CACNA1S: variants seen among roughly 807,000 people sequenced by gnomAD.
CACNA1S encodes voltage-dependent L-type calcium channel subunit alpha-1S.
CACNA1S carries 126 observed loss-of-function variants against 207.4 expected under a neutral mutation model. The observed-to-expected ratio is 0.61, with a 90% CI of 0.53 to 0.70. The LOEUF (loss-of-function observed/expected upper bound fraction) is 0.70. Among genes scored for constraint, CACNA1S ranks in the 30% least tolerant of loss-of-function variants. The pLI is 0.00. For missense variants in CACNA1S, 2,349 were observed against 2,422.8 expected, an observed-to-expected ratio of 0.97 and a Z score of 0.64; for synonymous variants, 960 against 932.7, an observed-to-expected ratio of 1.03 and a Z score of -0.53.
chr1:201,071,502 T>G (rs376826434), intron 16 of CACNA1S, among the ~76,000 whole-genome samples: 27 of 152,356 alleles, frequency 1.8e-4, no homozygotes, highest in Middle Eastern at 6.8e-3. Flanking sequence ...CCCAGTTTGT[T>G]AATTTCATTG....
chr1:201,107,329 G>T (rs998491827), intron 2 of CACNA1S, among the ~76,000 whole-genome samples: 2 of 152,212 alleles, frequency 1.3e-5, no homozygotes, highest in Non-Finnish European at 2.9e-5. Context: ...CATACTTGGG[G>T]AAGCCTTCCT....
Position 201,073,656 on chromosome 1 carries a change from C to T in CACNA1S, c.2064-14G>A. ...TCTGGGAGACCCCTGAGTTAGAAAA[C>T]CCAAAGTGGAAGCCAAACCAGAAAG... On this transcript the variant is annotated splice_polypyrimidine_tract_variant and intron_variant, in intron 14 of 43. Transcript: ENST00000362061. 8 of 1,607,628 alleles carry T rather than the reference C, an allele frequency of 5.0e-6. No homozygotes were observed. The highest frequency in any genetic ancestry group is 6.8e-6 in the Non-Finnish European group (8 of 1,174,076).
At chr1:201,079,729 A>G (rs758387000) in intron 10 of CACNA1S, among the ~76,000 whole-genome samples, 6 of 152,196 alleles carry the variant, frequency 3.9e-5, no homozygotes, top group Admixed American at 6.5e-5. Context: ...GGAACTGGCC[A>G]CAGCCCTGAG....
intron 32 of CACNA1S, 25 bp downstream of exon 32, chr1:201,052,532 G>T (rs745390703): frequency 6.4e-6 from 10 of 1,567,202 alleles, no homozygotes; most frequent in Non-Finnish European, 7.9e-6. Flanking sequence ...GCGGGGTAGG[G>T]GTGGGGGTGG....
rs568639510 is a variant in CACNA1S, at chr1:201,044,489, C to T, written c.4669-33G>A. On this transcript the variant is annotated intron_variant, in intron 38 of 43. Coordinates refer to ENST00000362061, the MANE Select transcript of CACNA1S (RefSeq NM_000069.3). ...TGACGAAGGGACTCAGTTATCTCTC[C>T]AGCCCAGGAGAGGAGACCAGAACCA... The T allele has an allele frequency of 1.4e-5, 22 of 1,607,916 alleles. No individual in the cohort carries two copies. The South Asian group carries it at 1.8e-4, about 13-fold the overall frequency.
intron 28 of CACNA1S, among the ~76,000 whole-genome samples, chr1:201,054,903 G>A (rs1185103379): frequency 1.3e-5 from 2 of 152,202 alleles, no homozygotes; most frequent in African/African-American, 2.4e-5. Context: ...GTGATGCTGG[G>A]GACGTCCCTA....
chr1:201,101,661 A>T (rs1662672439), intron 2 of CACNA1S, among the ~76,000 whole-genome samples: 2 of 152,176 alleles, frequency 1.3e-5, no homozygotes, highest in Non-Finnish European at 2.9e-5. Flanking sequence ...TGATGCCCAA[A>T]GTTTGTGCTG....
At chr1:201,049,913 G>A (rs1660596520) in intron 34 of CACNA1S, among the ~76,000 whole-genome samples, 1 of 152,168 alleles carries the variant, frequency 6.6e-6, no homozygotes, top group Admixed American at 6.6e-5. Context: ...AGACCATCGG[G>A]AGATGCCTAT....
At chr1:201,042,533 T>C (rs758926152) in intron 40 of CACNA1S, among the ~76,000 whole-genome samples, 1 of 152,216 alleles carries the variant, frequency 6.6e-6, no homozygotes, top group Non-Finnish European at 1.5e-5. Context: ...TGCTTCTGTA[T>C]TTCCACGTTA....
At chr1:201,047,687 C>T (rs1041296958) in intron 36 of CACNA1S, 61 bp from the exon 37 acceptor site, 2 of 1,078,868 alleles carry the variant, frequency 1.9e-6, no homozygotes, top group Non-Finnish European at 2.9e-6. Context: ...ACAAGGCCAC[C>T]CAGTTCTTTC....
chr1:201,071,418 A>T (rs1661433042), intron 16 of CACNA1S, among the ~76,000 whole-genome samples: 1 of 152,132 alleles, frequency 6.6e-6, no homozygotes, highest in Non-Finnish European at 1.5e-5. Context: ...TTCACGCTTA[A>T]TCGCAGAGAC....
At position 201,075,640 on chromosome 1, in the gene CACNA1S, T is replaced by TG. The variant is rs763648741; in HGVS notation, c.1828-26_1828-25insC. The stretch of plus-strand genomic sequence containing the variant: ...CCTGTATGGAGGGAGGATAGAGGGC[T>TG]CGGGAACACAGAGGGGCCTGAGAGT... On this transcript the variant is annotated intron_variant, in intron 12 of 43. Coordinates refer to ENST00000362061, the MANE Select transcript of CACNA1S (RefSeq NM_000069.3). 1.9e-6 allele frequency: 3 copies of TG among 1,613,076 alleles called. No individual in the cohort carries two copies. The African/African-American group carries it at 4.0e-5, about 22-fold the overall frequency.
In CACNA1S at chr1:201,048,624, G is replaced by A; in HGVS notation, c.4399C>T (p.Leu1467Phe). The change falls in exon 36 of 44, where the codon CTC (leucine) becomes TTC (phenylalanine). Residue 1467 changes from leucine (L) to phenylalanine (F), a missense_variant. Leu to Phe is a conservative substitution (Grantham distance 22, BLOSUM62 0). Coordinates refer to ENST00000362061, the MANE Select transcript of CACNA1S (RefSeq NM_000069.3). ...AGTGCCGTGCGGACCAGGGCAAAGA[G>A]TGTGGCATTGAAGGTGACTGTGCCG... ...SDGTVTFNATLFALVRTALKI... is the reference protein window; with the variant it reads ...SDGTVTFNATFFALVRTALKI... The A allele has an allele frequency of 6.2e-7, 1 of 1,614,038 alleles. No individual in the cohort carries two copies.
At chr1:201,070,540 C>T in intron 16 of CACNA1S, 136 bp from the exon 17 acceptor site, 1 of 1,186,264 alleles carries the variant, frequency 8.4e-7, no homozygotes, top group Non-Finnish European at 1.2e-6. Flanking sequence ...GACCCTAGGG[C>T]TTTGGCAGAG....
At chr1:201,076,598 T>A (rs545617498) in intron 12 of CACNA1S, among the ~76,000 whole-genome samples, 2 of 152,124 alleles carry the variant, frequency 1.3e-5, no homozygotes, top group African/African-American at 2.4e-5. Context: ...GAGACCTGAG[T>A]GGCACATGAA....
intron 39 of CACNA1S, 143 bp downstream of exon 39, chr1:201,044,185 G>T: frequency 2.3e-6 from 2 of 883,396 alleles, no homozygotes; most frequent in Non-Finnish European, 3.6e-6. Context: ...AGGAGAGGTG[G>T]GTGGTGAAGT....
intron 28 of CACNA1S, among the ~76,000 whole-genome samples, chr1:201,056,422 C>A (rs1242844764): frequency 6.6e-6 from 1 of 152,200 alleles, no homozygotes. Flanking sequence ...TAAGGTTCAC[C>A]CCACAGGCTG....
intron 4 of CACNA1S, 34 bp downstream of exon 4, chr1:201,091,938 G>A (rs755236036): frequency 3.4e-5 from 55 of 1,613,410 alleles, no homozygotes; most frequent in Non-Finnish European, 4.4e-5. Flanking sequence ...GGAAGGGAGA[G>A]GAGAAAGGGG....
intron 41 of CACNA1S, among the ~76,000 whole-genome samples, chr1:201,041,264 A>G (rs1660181251): frequency 6.6e-6 from 1 of 152,124 alleles, no homozygotes; most frequent in Non-Finnish European, 1.5e-5. Flanking sequence ...AGGGCCCTTT[A>G]GCATGAATGG....
Sources: allele counts gnomAD v4.1 joint callset (sites outside exome capture counted in the v4.1 genomes callset), GRCh38; gene constraint gnomAD v4.1.1; transcripts MANE v1.5; gene names NCBI Gene and HGNC (gene_info 2026-07-23, HGNC 2026-07-21).